The following RRM2 variants were observed in gnomAD, a reference collection of about 807,000 sequenced individuals.
The protein encoded by RRM2 is ribonucleotide reductase regulatory subunit M2.
In RRM2, 6 loss-of-function variants were observed where a neutral mutation model predicts 45.9. That is an observed-to-expected ratio of 0.13 (90% CI 0.07 to 0.26). RRM2 has a LOEUF of 0.26. Ranked by LOEUF, RRM2 falls within the 10% of genes least tolerant of loss-of-function variation. The probability of loss-of-function intolerance (pLI) is 1.00; values close to 1 mark genes in which losing one functional copy is unlikely to be tolerated. For synonymous variants in RRM2, 177 were observed against 173.0 expected (o/e 1.02, Z -0.18); for missense variants, 343 against 489.5 (o/e 0.70, Z 2.82).
At chr2:10,178,090 T>A (rs1470325273) in intron 3 of RRM2, among the ~76,000 whole-genome samples, 2 of 151,206 alleles carry the variant, frequency 1.3e-5, no homozygotes, top group Non-Finnish European at 2.9e-5. Context: ...CCCGGCTAAT[T>A]TTTTTTTTCG....
At position 10,126,162 on chromosome 2, in the gene RRM2, TAAAAAAA is replaced by T. The variant is rs532815964; in HGVS notation, c.570-689_570-683del. Among the ~76,000 whole-genome samples the T allele has an allele frequency of 6.5e-3, 583 of 89,352 alleles. 27 individuals are homozygous for T. The highest frequency in any genetic ancestry group is 8.1e-3 in the Non-Finnish European group (416 of 51,324). 58.6% of individuals were successfully genotyped at this position (89,352 alleles called of 152,430 possible). ...CAACAGAGTGAGACCCTCATCTCTTTAAAAAAAAAAAAAAAAAAAAAAAAAAAAAAGC... is the reference window on the plus strand; with the variant it reads ...CAACAGAGTGAGACCCTCATCTCTTTAAAAAAAAAAAAAAAAAAAAAAAGC... On this transcript the variant is annotated intron_variant, in intron 5 of 9. Coordinates refer to ENST00000304567, the MANE Select transcript of RRM2 (RefSeq NM_001034.4).
Position 10,127,508 on chromosome 2 carries a change from C to G in RRM2, c.798+288C>G, listed in dbSNP as rs1662804668. ...TTTTTTGAGGTGACGGAATCTTGCTCTGTCGTTCCAGGCTGGAGTGCAATG... is the reference window on the plus strand; with the variant it reads ...TTTTTTGAGGTGACGGAATCTTGCTGTGTCGTTCCAGGCTGGAGTGCAATG... On this transcript the variant is annotated intron_variant, in intron 7 of 9. Coordinates refer to ENST00000304567, the MANE Select transcript of RRM2 (RefSeq NM_001034.4). This position sits in a 1 kb window ranked among gnomAD's most constrained non-coding sequence, Gnocchi z 4.1. 3.4e-6 allele frequency: 1 copy of G among 291,544 alleles called. No individual in the cohort carries two copies. Among genetic ancestry groups the G allele is most frequent in the South Asian group, 5.2e-5 (1 of 19,386 alleles). The allele number at this position is 291,544 out of a possible 1,614,324, so 18.1% of individuals were successfully genotyped here.
At chr2:10,139,294 A>G (rs1663040531), upstream of RRM2, among the ~76,000 whole-genome samples, 1 of 152,222 alleles carries the variant, frequency 6.6e-6, no homozygotes, top group African/African-American at 2.4e-5. Context: ...TGGCACTTCT[A>G]AAGTAGAAGT....
chr2:10,159,998 C>T (rs899203299), intron 3 of RRM2, among the ~76,000 whole-genome samples: 2 of 152,160 alleles, frequency 1.3e-5, no homozygotes, highest in Non-Finnish European at 2.9e-5. Flanking sequence ...AAAGTCCAGC[C>T]CCCTCTCCCT....
intron 3 of RRM2, among the ~76,000 whole-genome samples, chr2:10,199,937 G>A (rs912239807): frequency 3.9e-5 from 6 of 151,904 alleles, no homozygotes; most frequent in South Asian, 2.1e-4. Context: ...GAGTTCAAGC[G>A]ATTCTCCAGC....
chr2:10,122,643 C>G (rs1389361571), upstream of RRM2: 1 of 1,544,708 alleles, frequency 6.5e-7, no homozygotes, highest in Admixed American at 2.0e-5. Context: ...AGGCATGGCA[C>G]AGCCAATGGG....
chr2:10,160,885 C>T (rs1450990106), intron 3 of RRM2, among the ~76,000 whole-genome samples: 1 of 152,202 alleles, frequency 6.6e-6, no homozygotes, highest in Non-Finnish European at 1.5e-5. Context: ...GCCTGCGCCC[C>T]TGCAGTGCTC....
At chr2:10,140,171 C>T (rs1226472521), upstream of RRM2, among the ~76,000 whole-genome samples, 3 of 152,022 alleles carry the variant, frequency 2.0e-5, no homozygotes, top group Admixed American at 6.6e-5. Flanking sequence ...GGCGTGAATC[C>T]GGGAGGCGGA....
chr2:10,194,051 A>G (rs2125330173), intron 3 of RRM2, among the ~76,000 whole-genome samples: 1 of 152,396 alleles, frequency 6.6e-6, no homozygotes. Context: ...TCATTTCAGA[A>G]GCTGGAGGAG....
Position 10,123,040 on chromosome 2 carries a change from C to G in RRM2, c.157C>G (p.Gln53Glu), listed in dbSNP as rs11545186. The G allele has an allele frequency of 6.4e-7, 1 of 1,565,586 alleles. No individual in the cohort carries two copies. Among genetic ancestry groups the G allele is most frequent in the East Asian group, 2.3e-5 (1 of 43,542 alleles). The change falls in exon 2 of 10, where the codon CAG (glutamine) becomes GAG (glutamate). Residue 53 changes from glutamine (Q) to glutamate (E), a missense_variant. This residue lies in a region of RRM2 where 131 missense variants were observed against 121.4 expected (regional missense o/e 1.08). Coordinates refer to ENST00000304567, the MANE Select transcript of RRM2 (RefSeq NM_001034.4). ...LASKTARRIF[Q>E]EPTEPKTKAA... ...CAGCAAGACCGCGAGGAGGATCTTCCAGGAGCCCACGGAGCCGGTGAGTGG... is the reference window on the plus strand; with the variant it reads ...CAGCAAGACCGCGAGGAGGATCTTCGAGGAGCCCACGGAGCCGGTGAGTGG...
At chr2:10,164,847 T>G (rs1663647028) in intron 3 of RRM2, among the ~76,000 whole-genome samples, 2 of 152,084 alleles carry the variant, frequency 1.3e-5, no homozygotes, top group African/African-American at 2.4e-5. Flanking sequence ...CCAAGCTCAG[T>G]TTTTGCAGCC....
In RRM2 at chr2:10,123,052, G is replaced by C. The variant is rs1395890245; in HGVS notation, c.169G>C (p.Glu57Gln). ...TARRIFQEPT[E>Q]PKTKAAAPGV... ...GAGGAGGATCTTCCAGGAGCCCACG[G>C]AGCCGGTGAGTGGCGGGCGTGGGGC... Residue 57 changes from glutamate (E) to glutamine (Q), a missense_variant, in exon 2 of 10, where the codon GAG becomes CAG. Physicochemically the swap from Glu to Gln is conservative, Grantham distance 29. Transcript: ENST00000304567. 6.4e-7 allele frequency: 1 copy of C among 1,560,882 alleles called. No individual in the cohort carries two copies. Among genetic ancestry groups the C allele is most frequent in the Admixed American group, 1.8e-5 (1 of 54,158 alleles).
Position 10,169,892 on chromosome 2 carries a change from T to C in RRM2, n.482+27517T>C, listed in dbSNP as rs867803631. 2.6e-5 allele frequency among the ~76,000 whole-genome samples: 4 copies of C among 152,008 alleles called. No individual in the cohort carries two copies. Among genetic ancestry groups the C allele is most frequent in the South Asian group, 2.1e-4 (1 of 4,810 alleles). On this transcript the variant is annotated intron_variant and non_coding_transcript_variant, in intron 3 of 3. Transcript: ENST00000381786. The surrounding 1 kb of genome is among the most constrained non-coding windows in gnomAD (Gnocchi z 5.1). ...GGAGAAGAGGGAGATGTGAGTCAGG[T>C]TTTCCTAGTTCCTGAGGGCCTGGGA...
chr2:10,163,276 C>T (rs912328083), intron 3 of RRM2, among the ~76,000 whole-genome samples: 2 of 142,722 alleles, frequency 1.4e-5, no homozygotes, highest in African/African-American at 5.2e-5. Flanking sequence ...TGAATGTCAG[C>T]CTGTTCCTGG....
At chr2:10,202,958 C>T (rs1377497377) in intron 3 of RRM2, among the ~76,000 whole-genome samples, 1 of 152,220 alleles carries the variant, frequency 6.6e-6, no homozygotes, top group Non-Finnish European at 1.5e-5. Context: ...CACAGATTCT[C>T]CACCTCCTCT....
intron 3 of RRM2, among the ~76,000 whole-genome samples, chr2:10,184,709 G>T (rs1226652775): frequency 6.6e-6 from 1 of 152,224 alleles, no homozygotes; most frequent in Non-Finnish European, 1.5e-5. Context: ...ATGGGTTTGG[G>T]GCAGGCCCAG....
upstream of RRM2, among the ~76,000 whole-genome samples, chr2:10,137,001 T>G (rs1419962465): frequency 6.6e-6 from 1 of 152,236 alleles, no homozygotes; most frequent in African/African-American, 2.4e-5. Context: ...ATTCATTTTC[T>G]GAGTCCAGTG....
chr2:10,209,739 G>A (rs753293373), intron 3 of RRM2, among the ~76,000 whole-genome samples: 4 of 152,166 alleles, frequency 2.6e-5, no homozygotes, highest in Non-Finnish European at 4.4e-5. Context: ...AGACCTAAGG[G>A]GCTTAATAGA....
intron 5 of RRM2, among the ~76,000 whole-genome samples, chr2:10,125,665 G>A (rs1018555289): frequency 6.6e-6 from 1 of 152,070 alleles, no homozygotes; most frequent in Non-Finnish European, 1.5e-5. Context: ...GCAAGACTCC[G>A]TCTCAAAAAG....
Sources: allele counts gnomAD v4.1 joint callset (sites outside exome capture counted in the v4.1 genomes callset), GRCh38; gene constraint gnomAD v4.1.1; regional missense constraint gnomAD v4.1.1; non-coding constraint Gnocchi (gnomAD v3.1); transcripts MANE v1.5; gene names NCBI Gene and HGNC (gene_info 2026-07-23, HGNC 2026-07-21).